CADM2: variants seen among roughly 807,000 people sequenced by gnomAD.
The protein encoded by CADM2 is cell adhesion molecule 2, also known as immunoglobulin superfamily member 4D.
In CADM2, 12 loss-of-function variants were observed where a neutral mutation model predicts 49.8. That is an observed-to-expected ratio of 0.24 (90% CI 0.15 to 0.39). The LOEUF (loss-of-function observed/expected upper bound fraction) is 0.39, where lower values mean the gene tolerates loss of function less well. Ranked by LOEUF, CADM2 falls within the 10% of genes least tolerant of loss-of-function variation. The pLI, the probability that CADM2 is intolerant of heterozygous loss-of-function variation, is 1.00. For missense variants in CADM2, 378 were observed against 492.3 expected, an observed-to-expected ratio of 0.77 and a Z score of 2.20; for synonymous variants, 214 against 175.4, an observed-to-expected ratio of 1.22 and a Z score of -1.74.
At chr3:85,929,495 A>G (rs973379184) in intron 6 of CADM2, among the ~76,000 whole-genome samples, 2 of 152,006 alleles carry the variant, frequency 1.3e-5, no homozygotes, top group African/African-American at 4.8e-5. Context: ...CTTCATTACT[A>G]TTCATATCTG....
At chr3:85,245,005 C>G (rs1559740313) in intron 1 of CADM2, among the ~76,000 whole-genome samples, 1 of 152,090 alleles carries the variant, frequency 6.6e-6, no homozygotes, top group Non-Finnish European at 1.5e-5. Flanking sequence ...GTATTACTCT[C>G]AAGTCACGTA....
intron 1 of CADM2, among the ~76,000 whole-genome samples, chr3:85,292,581 C>T (rs1298673213): frequency 6.6e-6 from 1 of 151,938 alleles, no homozygotes; most frequent in Non-Finnish European, 1.5e-5. Flanking sequence ...GAAATTATAA[C>T]AAACTATCTC....
At chr3:85,043,333 A>G (rs1429596255) in intron 1 of CADM2, among the ~76,000 whole-genome samples, 1 of 151,852 alleles carries the variant, frequency 6.6e-6, no homozygotes, top group Non-Finnish European at 1.5e-5. Context: ...GGTATGTTAT[A>G]GGGTGCCATG....
chr3:85,814,337 CTGTT>C (rs1395653195), intron 3 of CADM2, among the ~76,000 whole-genome samples: 74 of 152,062 alleles, frequency 4.9e-4, no homozygotes, highest in Non-Finnish European at 7.4e-5. Flanking sequence ...GATTTGGTCT[CTGTT>C]TGTATGTTAT....
chr3:85,878,636 C>G (rs1379097749), intron 3 of CADM2, among the ~76,000 whole-genome samples: 1 of 152,050 alleles, frequency 6.6e-6, no homozygotes, highest in East Asian at 1.9e-4. Flanking sequence ...TTATTATCAC[C>G]AGAAACTGAC....
intron 1 of CADM2, among the ~76,000 whole-genome samples, chr3:85,723,460 A>G (rs1171724148): frequency 6.6e-6 from 1 of 152,138 alleles, no homozygotes; most frequent in Non-Finnish European, 1.5e-5. Flanking sequence ...CATGACATTC[A>G]TGACAGTATT....
intron 1 of CADM2, among the ~76,000 whole-genome samples, chr3:85,707,959 G>A (rs573237717): frequency 6.6e-6 from 1 of 152,268 alleles, no homozygotes; most frequent in Admixed American, 6.5e-5. Context: ...CAAAAGGTAA[G>A]TCAGGAAAAT....
chr3:85,688,718 C>T (rs2066290077), intron 1 of CADM2, among the ~76,000 whole-genome samples: 1 of 152,066 alleles, frequency 6.6e-6, no homozygotes, highest in African/African-American at 2.4e-5. Context: ...CAGGCACCCA[C>T]CACCACATCC....
chr3:85,935,939 C>T, intron 7 of CADM2, 82 bp downstream of exon 7: 1 of 722,610 alleles, frequency 1.4e-6, no homozygotes, highest in Non-Finnish European at 2.3e-6. Context: ...TGTAGAAATC[C>T]ACAGTTTGTG....
rs545317375 is a variant in CADM2, at chr3:85,741,397, TG to T, written c.88+14851del. On this transcript the variant is annotated intron_variant, in intron 2 of 9. Coordinates refer to ENST00000383699, the MANE Select transcript of CADM2 (RefSeq NM_001167675.2). ...AATAAAAAGTTGTCTCAGCCTGGCG[TG>T]GTGGCTCACGTCTCTATTCCCAGCA... is the stretch of plus-strand genomic sequence containing the variant. Among the ~76,000 whole-genome samples the T allele has an allele frequency of 2.0e-5, 3 of 151,720 alleles. No individual in the cohort carries two copies. In the South Asian group the frequency reaches 6.2e-4, roughly 32 times the overall value.
chr3:85,985,183 C>T (rs1727940591), intron 8 of CADM2, among the ~76,000 whole-genome samples: 1 of 151,962 alleles, frequency 6.6e-6, no homozygotes, highest in Non-Finnish European at 1.5e-5. Flanking sequence ...AAGATCAAGT[C>T]ATGGGTACAT....
intron 5 of CADM2, among the ~76,000 whole-genome samples, chr3:85,898,109 A>G (rs1479081669): frequency 6.6e-6 from 1 of 152,160 alleles, no homozygotes; most frequent in East Asian, 1.9e-4. Context: ...AAGTTTTCTT[A>G]ATGGTGTTAA....
At chr3:85,822,960 A>G (rs568973910) in intron 3 of CADM2, among the ~76,000 whole-genome samples, 140 of 152,262 alleles carry the variant, frequency 9.2e-4, no homozygotes, top group African/African-American at 3.2e-3. Context: ...TGGTCCTTTG[A>G]TCCTACCTGC....
intron 1 of CADM2, among the ~76,000 whole-genome samples, chr3:85,692,527 T>A: frequency 6.6e-6 from 1 of 152,256 alleles, no homozygotes; most frequent in Non-Finnish European, 1.5e-5. Context: ...TTTTAGGATA[T>A]ATTTTAATGT....
At chr3:85,983,386 C>T (rs1727699235) in intron 8 of CADM2, among the ~76,000 whole-genome samples, 1 of 151,660 alleles carries the variant, frequency 6.6e-6, no homozygotes, top group Non-Finnish European at 1.5e-5. Context: ...GCCCTGGATA[C>T]ATCTTTGGAT....
At chr3:85,166,063 A>G (rs2040463545) in intron 1 of CADM2, among the ~76,000 whole-genome samples, 1 of 151,820 alleles carries the variant, frequency 6.6e-6, no homozygotes, top group African/African-American at 2.4e-5. Flanking sequence ...AAGCACAGGA[A>G]GTTTAAAATA....
At chr3:85,344,298 T>G (rs959942558) in intron 1 of CADM2, among the ~76,000 whole-genome samples, 1 of 151,628 alleles carries the variant, frequency 6.6e-6, no homozygotes, top group Admixed American at 6.6e-5. Flanking sequence ...GGAGAATTGC[T>G]TGAACTCGGG....
In CADM2 at chr3:84,959,180, T is replaced by C; in HGVS notation, c.-428T>C. 1 of 219,702 alleles carries C rather than the reference T, an allele frequency of 4.6e-6. No individual in the cohort carries two copies. The highest frequency in any genetic ancestry group is 6.3e-5 in the South Asian group (1 of 15,952). The allele number at this position is 219,702 out of a possible 1,614,324, so 13.6% of individuals were successfully genotyped here. ...GGCAGTGCTGCTTGCTTGCTCCTCC[T>C]CTCCCCCAGCCCTTCCCCTCCGTGA... On this transcript the variant is annotated 5_prime_UTR_variant, in exon 1 of 10. Transcript: ENST00000383699.
At position 85,883,139 on chromosome 3, in the gene CADM2, T is replaced by C. The variant is rs74848856; in HGVS notation, c.239-152T>C. 2.8e-3 allele frequency: 1,661 copies of C among 583,056 alleles called. 17 individuals carry two copies. The highest frequency in any genetic ancestry group is 0.026 in the African/African-American group (1,403 of 53,244). 36.1% of individuals were successfully genotyped at this position (583,056 alleles called of 1,614,324 possible). ...AAAAATCTGATAAAATATTTCAATATATTTAAACTTTCTTTTAAACTGTTC... is the reference window on the plus strand; with the variant it reads ...AAAAATCTGATAAAATATTTCAATACATTTAAACTTTCTTTTAAACTGTTC... On this transcript the variant is annotated intron_variant, in intron 3 of 9. Coordinates refer to ENST00000383699, the MANE Select transcript of CADM2 (RefSeq NM_001167675.2).
Sources: allele counts gnomAD v4.1 joint callset (sites outside exome capture counted in the v4.1 genomes callset), GRCh38; gene constraint gnomAD v4.1.1; transcripts MANE v1.5; gene names NCBI Gene and HGNC (gene_info 2026-07-23, HGNC 2026-07-21).